Variants in FAAH2 observed in about 807,000 individuals in gnomAD.
FAAH2 encodes the protein fatty acid amide hydrolase 2.
Under a neutral mutation model 36.9 loss-of-function variants are expected in FAAH2, and 60 were observed. That is an observed-to-expected ratio of 1.63 (90% confidence interval 1.32 to 2.02). FAAH2 has a LOEUF of 2.02. Among genes scored for constraint, FAAH2 ranks in the 30% most tolerant of loss-of-function variants. FAAH2 has a pLI of 0.00. For missense variants in FAAH2, 689 were observed against 397.5 expected, an observed-to-expected ratio of 1.73 and a Z score of -6.23; for synonymous variants, 214 against 143.8, an observed-to-expected ratio of 1.49 and a Z score of -3.49.
the FAAH2 span, among the ~76,000 whole-genome samples, chrX:57,123,271 C>G: frequency 5.4e-5 from 6 of 111,304 alleles, no homozygotes; most frequent in East Asian, 2.8e-4. Flanking sequence ...TTTGTCCTTG[C>G]GATAGTTTGC....
chrX:57,152,788 G>A, the FAAH2 span, among the ~76,000 whole-genome samples: 60,156 of 109,893 alleles, frequency 0.55, 14,426 homozygotes, highest in Non-Finnish European at 0.74. Context: ...TGCACCCACT[G>A]TCTGGCACTC....
At chrX:57,261,399 A>G in the FAAH2 span, among the ~76,000 whole-genome samples, 1 of 108,769 alleles carries the variant, frequency 9.2e-6, no homozygotes, top group Admixed American at 9.9e-5. Flanking sequence ...CTAAAAATAC[A>G]AAAATTAGCT....
intron 7 of FAAH2, among the ~76,000 whole-genome samples, chrX:57,401,960 G>C (rs1264233530): frequency 9.0e-6 from 1 of 111,541 alleles, no homozygotes; most frequent in Non-Finnish European, 1.9e-5. Flanking sequence ...GCTGGGAGAA[G>C]TATCTAGTGA....
chrX:57,160,400 G>A, the FAAH2 span, among the ~76,000 whole-genome samples: 1 of 111,937 alleles, frequency 8.9e-6, no homozygotes, highest in African/African-American at 3.3e-5. Context: ...GATTGGAATT[G>A]TTTCAAAAGG....
intron 8 of FAAH2, among the ~76,000 whole-genome samples, chrX:57,441,560 G>T (rs1417232836): frequency 9.2e-6 from 1 of 109,261 alleles, no homozygotes. Context: ...CCAGCTCCTG[G>T]ATTCACTGAT....
chrX:57,286,211 C>A (rs746638575), upstream of FAAH2, among the ~76,000 whole-genome samples: 8 of 111,873 alleles, frequency 7.2e-5, no homozygotes, highest in East Asian at 2.3e-3. Flanking sequence ...TTCATCAGTA[C>A]TACCTGTTAG....
chrX:57,448,694 C>G lies in FAAH2; in HGVS notation c.1399C>G (p.Arg467Gly). Residue 467 changes from arginine (R) to glycine (G), a missense_variant, in exon 10 of 11, where the codon CGG becomes GGG. By Grantham distance (125) the Arg-to-Gly change is moderately radical. Coordinates refer to ENST00000374900, the MANE Select transcript of FAAH2 (RefSeq NM_174912.4). ...ACCTAAGCATCATGTCCCTCTAACA[C>G]GGCCTTTCAACTTTGCTTACACAGG... ...VAPKHHVPLT[R>G]PFNFAYTGVF... is the part of the protein sequence containing the mutation. The G allele has an allele frequency of 8.3e-7, 1 of 1,209,651 alleles. No individual in the cohort carries two copies. Among genetic ancestry groups the G allele is most frequent in the Non-Finnish European group, 1.1e-6 (1 of 894,312 alleles).
chrX:57,330,096 A>G (rs1460955715), intron 3 of FAAH2, among the ~76,000 whole-genome samples: 1 of 112,025 alleles, frequency 8.9e-6, no homozygotes, highest in African/African-American at 3.2e-5. Flanking sequence ...GCACCTTGAA[A>G]AAAGAACAAG....
chrX:57,381,131 C>T lies in FAAH2; in HGVS notation c.996+102C>T, dbSNP rs995410152. On this transcript the variant is annotated intron_variant, in intron 7 of 10. Transcript: ENST00000374900. Reference sequence around the variant, plus strand: ...TGCCAAATATTTCTGTGTCAGCATACGGAATTAAGGTTTTCAGAACAGTTA... The same window carrying T: ...TGCCAAATATTTCTGTGTCAGCATATGGAATTAAGGTTTTCAGAACAGTTA... 50 of 588,055 alleles carry T rather than the reference C, an allele frequency of 8.5e-5. 1 individual carries two copies. The Middle Eastern group carries it at 4.1e-3, about 48-fold the overall frequency. 48.5% of individuals were successfully genotyped at this position (588,055 alleles called of 1,213,427 possible). A position where few individuals can be genotyped will look rare whatever the true frequency, so the allele number is the denominator to read the frequency against.
chrX:57,216,497 TA>T, the FAAH2 span, among the ~76,000 whole-genome samples: 1 of 66,760 alleles, frequency 1.5e-5, no homozygotes, highest in African/African-American at 8.4e-5. Context: ...TATATATACG[TA>T]TATGTATATA....
At chrX:57,422,123 C>G (rs912370097) in intron 7 of FAAH2, among the ~76,000 whole-genome samples, 1 of 111,554 alleles carries the variant, frequency 9.0e-6, no homozygotes, top group African/African-American at 3.3e-5. Flanking sequence ...TACCAGATAC[C>G]AGGGGATGTG....
chrX:57,274,932 G>A, the FAAH2 span, among the ~76,000 whole-genome samples: 1 of 111,880 alleles, frequency 8.9e-6, no homozygotes, highest in Non-Finnish European at 1.9e-5. Flanking sequence ...AAGCAATAAA[G>A]TGTATTCAGA....
intron 10 of FAAH2, among the ~76,000 whole-genome samples, chrX:57,468,713 G>T (rs1035968766): frequency 9.0e-6 from 1 of 111,192 alleles, no homozygotes. Flanking sequence ...ATCTAGCAAG[G>T]TAGGCCAACA....
At chrX:57,357,500 A>G (rs1027491058) in intron 5 of FAAH2, among the ~76,000 whole-genome samples, 4 of 111,820 alleles carry the variant, frequency 3.6e-5, no homozygotes, top group African/African-American at 1.3e-4. Flanking sequence ...AAAAAAACAA[A>G]CATCCTCATC....
chrX:57,153,010 G>A, the FAAH2 span, among the ~76,000 whole-genome samples: 1 of 110,300 alleles, frequency 9.1e-6, no homozygotes. Context: ...TCATTTTTAA[G>A]GTCTGGTAGT....
chrX:57,123,076 G>A, the FAAH2 span, among the ~76,000 whole-genome samples: 39 of 110,658 alleles, frequency 3.5e-4, no homozygotes, highest in South Asian at 2.7e-3. Flanking sequence ...ATGTGTATAC[G>A]TGTGCCATGT....
intron 7 of FAAH2, among the ~76,000 whole-genome samples, chrX:57,399,460 T>C (rs948330275): frequency 1.2e-4 from 13 of 112,165 alleles, no homozygotes; most frequent in African/African-American, 4.2e-4. Flanking sequence ...CTTGTGAGGT[T>C]CCCCATTCTC....
At chrX:57,188,522 A>AT in the FAAH2 span, among the ~76,000 whole-genome samples, 1 of 108,376 alleles carries the variant, frequency 9.2e-6, no homozygotes, top group East Asian at 2.9e-4. Flanking sequence ...GCATTCATTG[A>AT]TTTTTTGAAA....
At chrX:57,212,625 C>T in the FAAH2 span, among the ~76,000 whole-genome samples, 3 of 112,512 alleles carry the variant, frequency 2.7e-5, no homozygotes, top group East Asian at 5.6e-4. Context: ...GAAAGAATCT[C>T]AGAACTTGAA....
Sources: gnomAD v4.1 joint callset for allele counts (sites outside exome capture counted in the v4.1 genomes callset) on GRCh38, gnomAD v4.1.1 for gene constraint, MANE v1.5 for transcripts, NCBI Gene and HGNC (gene_info 2026-07-23, HGNC 2026-07-21) for gene names.